Variants in KATNAL1 observed in about 807,000 individuals in gnomAD.
KATNAL1 encodes katanin catalytic subunit A1 like 1, also known as katanin p60 ATPase-containing subunit A-like 1.
A neutral mutation model predicts 55.2 loss-of-function variants in KATNAL1; 32 were observed. That is an observed-to-expected ratio of 0.58 (90% CI 0.44 to 0.78). The LOEUF (loss-of-function observed/expected upper bound fraction) is 0.78. Among genes scored for constraint, KATNAL1 ranks in the 30% least tolerant of loss-of-function variants. The probability of loss-of-function intolerance (pLI) is 0.00; values close to 1 mark genes in which losing one functional copy is unlikely to be tolerated. For synonymous variants in KATNAL1, 193 were observed against 193.6 expected (o/e 1.00, Z 0.02); for missense variants, 466 against 600.9 (o/e 0.78, Z 2.35).
chr13:30,216,614 C>G (rs7988286), intron 9 of KATNAL1, among the ~76,000 whole-genome samples: 4 of 152,088 alleles, frequency 2.6e-5, no homozygotes, highest in African/African-American at 9.7e-5. Context: ...CCAACAGGCT[C>G]GCAGGGAGTA....
At chr13:30,250,804 C>T (rs983819781) in intron 4 of KATNAL1, among the ~76,000 whole-genome samples, 4 of 152,180 alleles carry the variant, frequency 2.6e-5, no homozygotes, top group South Asian at 4.1e-4. Flanking sequence ...AATGGAAGTA[C>T]TGCTCATTTC....
chr13:30,265,402 A>G (rs1879675354), intron 3 of KATNAL1, among the ~76,000 whole-genome samples: 1 of 105,056 alleles, frequency 9.5e-6, no homozygotes, highest in Non-Finnish European at 2.1e-5. Context: ...TAAAAAATAA[A>G]AAAATTAAAA....
In KATNAL1 at chr13:30,210,414, G is replaced by A. The variant is rs1448242406; in HGVS notation, c.1176C>T (p.Ile392=). 5.0e-6 allele frequency: 8 copies of A among 1,605,422 alleles called. No homozygotes were observed. Among genetic ancestry groups the A allele is most frequent in the South Asian group, 1.1e-5 (1 of 89,610 alleles). Residue 392 remains isoleucine (I), a synonymous_variant, in exon 10 of 11, where the codon ATC becomes ATT. Coordinates refer to ENST00000380615, the MANE Select transcript of KATNAL1 (RefSeq NM_032116.5). ...TAKGRAELLK[I]NLREVELDPD... is the part of the protein sequence containing the mutation. The stretch of plus-strand genomic sequence containing the variant: ...GATCTAATTCGACCTCACGAAGGTT[G>A]ATCTTCAGAAGCTCAGCTCTTCCTT...
At chr13:30,241,169 C>T (rs901625884) in intron 4 of KATNAL1, 83 bp from the exon 5 acceptor site, 21 of 1,156,866 alleles carry the variant, frequency 1.8e-5, no homozygotes, top group Non-Finnish European at 2.6e-5. Context: ...CATTATAATG[C>T]CATCACTTTC....
At chr13:30,276,179 T>G (rs1880828047) in intron 3 of KATNAL1, among the ~76,000 whole-genome samples, 1 of 152,236 alleles carries the variant, frequency 6.6e-6, no homozygotes, top group Admixed American at 6.5e-5. Context: ...CTCAGTTTCC[T>G]CACATTTAAG....
intron 8 of KATNAL1, among the ~76,000 whole-genome samples, chr13:30,229,795 A>C (rs1425839558): frequency 6.6e-6 from 1 of 152,186 alleles, no homozygotes; most frequent in East Asian, 1.9e-4. Context: ...TTTAAAACTT[A>C]AAATAGATGG....
At chr13:30,243,983 A>C (rs1877534457) in intron 4 of KATNAL1, among the ~76,000 whole-genome samples, 1 of 152,006 alleles carries the variant, frequency 6.6e-6, no homozygotes, top group Non-Finnish European at 1.5e-5. Context: ...CAGAACGTGC[A>C]GGTTTGTTCC....
chr13:30,274,907 G>GCGCGCGCGCGCGCACGCGCACA (rs869107567), intron 3 of KATNAL1, among the ~76,000 whole-genome samples: 1 of 105,390 alleles, frequency 9.5e-6, no homozygotes, highest in Non-Finnish European at 1.9e-5. Context: ...GCGCGCGCGC[G>GCGCGCGCGCGCGCACGCGCACA]CACACACACA....
chr13:30,256,344 GGC>G (rs1340913837), intron 3 of KATNAL1, among the ~76,000 whole-genome samples: 2 of 152,122 alleles, frequency 1.3e-5, no homozygotes, highest in East Asian at 1.9e-4. Flanking sequence ...AAAGTTTTGA[GGC>G]TTCTCAGCAC....
chr13:30,248,782 A>G (rs6490449), intron 4 of KATNAL1, among the ~76,000 whole-genome samples: 5,985 of 151,752 alleles, frequency 0.039, 156 homozygotes, highest in African/African-American at 0.068. Flanking sequence ...AAAATTGGCC[A>G]GGTGCGGGGG....
chr13:30,236,883 T>C lies in KATNAL1; in HGVS notation c.726+3577A>G, dbSNP rs369085768. 6.6e-5 allele frequency among the ~76,000 whole-genome samples: 10 copies of C among 152,326 alleles called. No individual in the cohort carries two copies. In the East Asian group the frequency reaches 1.4e-3, roughly 21 times the overall value. On this transcript the variant is annotated intron_variant, in intron 6 of 10. Transcript: ENST00000380615. ...ACTTTTCATGTGTTTGTACCTGATA[T>C]CCACTCTGCCTTAGAGCCTTTCTTC...
chr13:30,303,555 A>C (rs1882994520), intron 1 of KATNAL1, among the ~76,000 whole-genome samples: 2 of 152,214 alleles, frequency 1.3e-5, no homozygotes, highest in African/African-American at 4.8e-5. Context: ...ACAGAGTCAG[A>C]CCCTGTCTCC....
At chr13:30,306,671 T>C (rs1316729942) in intron 1 of KATNAL1, 2 of 152,186 alleles carry the variant, frequency 1.3e-5, no homozygotes. Flanking sequence ...AAAACAAACA[T>C]GACTAACCCA....
chr13:30,296,898 T>A (rs1353519475), intron 1 of KATNAL1, among the ~76,000 whole-genome samples: 1 of 152,000 alleles, frequency 6.6e-6, no homozygotes, highest in Non-Finnish European at 1.5e-5. Flanking sequence ...GGCCTTCTCA[T>A]GCCTCCTCCT....
At chr13:30,256,648 G>T (rs1312557972) in intron 3 of KATNAL1, among the ~76,000 whole-genome samples, 1 of 151,512 alleles carries the variant, frequency 6.6e-6, no homozygotes, top group African/African-American at 2.4e-5. Flanking sequence ...ATAGGAAAAT[G>T]GATAAAAAGC....
chr13:30,248,001 T>A (rs1383385012), intron 4 of KATNAL1, among the ~76,000 whole-genome samples: 1 of 152,146 alleles, frequency 6.6e-6, no homozygotes, highest in African/African-American at 2.4e-5. Context: ...AAATACCACA[T>A]TAAATAAGAG....
intron 10 of KATNAL1, among the ~76,000 whole-genome samples, chr13:30,209,572 C>A (rs78781428): frequency 5.3e-5 from 8 of 152,332 alleles, no homozygotes; most frequent in Non-Finnish European, 1.0e-4. Flanking sequence ...CAGGAACTGT[C>A]TAAAACTTAT....
intron 9 of KATNAL1, among the ~76,000 whole-genome samples, chr13:30,226,394 AAAC>A: frequency 2.0e-5 from 3 of 152,370 alleles, no homozygotes; most frequent in Admixed American, 2.0e-4. Context: ...AAAGGAGAAT[AAAC>A]AAATTGTGGT....
chr13:30,270,777 A>AAGGCC (rs1431832586), intron 3 of KATNAL1, among the ~76,000 whole-genome samples: 1 of 151,128 alleles, frequency 6.6e-6, no homozygotes, highest in East Asian at 1.9e-4. Context: ...AACACTGCGG[A>AAGGCC]AGGCCGCAGG....
Sources: gnomAD v4.1 joint callset for allele counts (sites outside exome capture counted in the v4.1 genomes callset) on GRCh38, gnomAD v4.1.1 for gene constraint, MANE v1.5 for transcripts, NCBI Gene and HGNC (gene_info 2026-07-23, HGNC 2026-07-21) for gene names.